Variants in HGF observed in about 807,000 individuals in gnomAD.
HGF encodes fibroblast-derived tumor cytotoxic factor.
In HGF, 39 loss-of-function variants were observed where a neutral mutation model predicts 111.6. The observed-to-expected ratio is 0.35, with a 90% CI of 0.27 to 0.46. HGF has a LOEUF of 0.46. Ranked by LOEUF, HGF falls within the 20% of genes least tolerant of loss-of-function variation. The pLI is 1.00. For missense variants in HGF, 735 were observed against 910.5 expected (o/e 0.81, Z 2.48); for synonymous variants, 285 against 294.8 (o/e 0.97, Z 0.34).
intron 1 of HGF, among the ~76,000 whole-genome samples, chr7:81,763,200 G>A (rs1274667739): frequency 2.0e-5 from 3 of 152,162 alleles, no homozygotes; most frequent in Non-Finnish European, 4.4e-5. Context: ...AAATATCAGT[G>A]CTAGAAGCAT....
chr7:81,756,874 C>G, intron 4 of HGF: 1 of 402,650 alleles, frequency 2.5e-6, no homozygotes, highest in Middle Eastern at 7.6e-4. Context: ...ACCTCTCCCC[C>G]TGCACAGTGC....
chr7:81,714,560 C>T (rs1789660445), intron 11 of HGF, among the ~76,000 whole-genome samples: 1 of 152,088 alleles, frequency 6.6e-6, no homozygotes, highest in Admixed American at 6.6e-5. Flanking sequence ...TTCTTAACCA[C>T]TACGCTCTTG....
Position 81,755,606 on chromosome 7 carries a change from C to G in HGF, c.482+1583G>C, listed in dbSNP as rs182655839. 2.6e-3 allele frequency: 443 copies of G among 167,296 alleles called. 1 individual carries two copies. The highest frequency in any genetic ancestry group is 6.8e-3 in the Admixed American group (108 of 15,956). 10.4% of individuals were successfully genotyped at this position (167,296 alleles called of 1,614,324 possible). A position where few individuals can be genotyped will look rare whatever the true frequency, so the allele number is the denominator to read the frequency against. On this transcript the variant is annotated intron_variant, in intron 4 of 17. Transcript: ENST00000222390. ...CTCTACTAGGTTAATCTAATGCATTCTCCTGGACTAGGGTAGGATTGATTT... is the reference window on the plus strand; with the variant it reads ...CTCTACTAGGTTAATCTAATGCATTGTCCTGGACTAGGGTAGGATTGATTT...
chr7:81,713,243 C>G (rs952745527), intron 11 of HGF, among the ~76,000 whole-genome samples: 6 of 152,024 alleles, frequency 3.9e-5, no homozygotes, highest in African/African-American at 1.5e-4. Context: ...GTAGATATGG[C>G]CTTGCGTGGT....
intron 5 of HGF, among the ~76,000 whole-genome samples, chr7:81,747,850 T>A (rs1788335190): frequency 6.6e-6 from 1 of 151,828 alleles, no homozygotes; most frequent in Non-Finnish European, 1.5e-5. Flanking sequence ...GGAGAATTGC[T>A]TGAACCCAGG....
chr7:81,761,788 T>TGTGGA (rs1339055587), intron 2 of HGF, among the ~76,000 whole-genome samples: 6 of 36,438 alleles, frequency 1.6e-4, no homozygotes, highest in Non-Finnish European at 3.1e-4. Flanking sequence ...TTTCCAAGGG[T>TGTGGA]GTGGAGTGGG....
In HGF at chr7:81,702,621, A is replaced by G; in HGVS notation, c.2147T>C (p.Ile716Thr). 1 of 1,611,424 alleles carries G rather than the reference A, an allele frequency of 6.2e-7. No homozygotes were observed. Among genetic ancestry groups the G allele is most frequent in the Non-Finnish European group, 8.5e-7 (1 of 1,178,158 alleles). The change falls in exon 18 of 18, where the codon ATA (isoleucine) becomes ACA (threonine). Residue 716 changes from isoleucine to threonine, a missense_variant. By Grantham distance (89) the Ile-to-Thr change is moderately conservative. Coordinates refer to ENST00000222390, the MANE Select transcript of HGF (RefSeq NM_000601.6). ...FVRVAYYAKW[I>T]HKIILTYKVP... ...CTTATATGTTAAAATAATTTTGTGT[A>G]TCCATTTTGCATAATATGCTACTCG...
chr7:81,755,929 A>C (rs956280096), intron 4 of HGF: 1 of 684,760 alleles, frequency 1.5e-6, no homozygotes, highest in Non-Finnish European at 2.7e-6. Flanking sequence ...CCCAGTGTGG[A>C]GCAACAAACT....
At chr7:81,761,128 A>G (rs1014824060) in intron 2 of HGF, among the ~76,000 whole-genome samples, 3 of 152,138 alleles carry the variant, frequency 2.0e-5, no homozygotes, top group Admixed American at 1.3e-4. Flanking sequence ...ATACAACTCT[A>G]TCCTCCTCAA....
intron 9 of HGF, among the ~76,000 whole-genome samples, chr7:81,725,217 CTGAAAGGCTGATGCAA>C (rs1162579130): frequency 6.6e-6 from 1 of 152,166 alleles, no homozygotes; most frequent in Non-Finnish European, 1.5e-5. Flanking sequence ...CAAACAATTC[CTGAAAGGCTGATGCAA>C]TTTTAGCCCA....
At chr7:81,741,297 A>G (rs1787991791) in intron 7 of HGF, among the ~76,000 whole-genome samples, 1 of 152,134 alleles carries the variant, frequency 6.6e-6, no homozygotes, top group Non-Finnish European at 1.5e-5. Context: ...TTTTTTTAGA[A>G]TTAACACCCT....
intron 14 of HGF, 100 bp from the exon 15 acceptor site, chr7:81,706,527 C>A: frequency 1.0e-6 from 1 of 961,012 alleles, no homozygotes; most frequent in South Asian, 1.4e-5. Flanking sequence ...AGGCACATAA[C>A]CTAAATTTAA....
intron 10 of HGF, among the ~76,000 whole-genome samples, chr7:81,717,579 T>C (rs1789747039): frequency 6.6e-6 from 1 of 152,138 alleles, no homozygotes; most frequent in African/African-American, 2.4e-5. Context: ...CTTGGAAATA[T>C]GGAAGAGGGC....
chr7:81,752,305 C>CT (rs767807298), intron 4 of HGF, 43 bp from the exon 5 acceptor site: 238 of 1,567,250 alleles, frequency 1.5e-4, no homozygotes, highest in South Asian at 4.9e-4. Context: ...GAGCATGCAA[C>CT]TTTTTTTTGC....
intron 7 of HGF, among the ~76,000 whole-genome samples, chr7:81,732,996 C>A (rs1336720785): frequency 6.6e-6 from 1 of 152,080 alleles, no homozygotes; most frequent in Non-Finnish European, 1.5e-5. Flanking sequence ...AGGTTTCCAA[C>A]AAGATTTAAT....
intron 5 of HGF, among the ~76,000 whole-genome samples, chr7:81,750,028 C>G (rs1322143758): frequency 6.6e-6 from 1 of 151,944 alleles, no homozygotes; most frequent in Non-Finnish European, 1.5e-5. Flanking sequence ...TAATTTGTAT[C>G]CATGGATAGA....
chr7:81,705,058 A>G (rs942022925), intron 17 of HGF, among the ~76,000 whole-genome samples: 1 of 151,882 alleles, frequency 6.6e-6, no homozygotes, highest in African/African-American at 2.4e-5. Context: ...GATAAAATAA[A>G]TTTAGAAAAA....
intron 9 of HGF, among the ~76,000 whole-genome samples, chr7:81,721,171 C>T (rs1177973679): frequency 3.9e-5 from 6 of 152,096 alleles, no homozygotes; most frequent in South Asian, 4.2e-4. Context: ...GGCGTGAACC[C>T]GGGAGGCGGA....
rs950679787 is a variant in HGF at position 81,728,745 on chromosome 7, G to A, written c.1040+860C>T. Among the ~76,000 whole-genome samples, 9 of 152,246 alleles carry A rather than the reference G, an allele frequency of 5.9e-5. No homozygotes were observed. In the South Asian group the frequency reaches 6.2e-4, roughly 11 times the overall value. The stretch of plus-strand genomic sequence containing the variant: ...ACACAAATCTCCCCTCTCCTATGGC[G>A]GATGGGCCAACTAGTGCTCATAGCT... On this transcript the variant is annotated intron_variant, in intron 8 of 17. Transcript: ENST00000222390.
Sources: allele counts gnomAD v4.1 joint callset (sites outside exome capture counted in the v4.1 genomes callset), GRCh38; gene constraint gnomAD v4.1.1; transcripts MANE v1.5; gene names NCBI Gene and HGNC (gene_info 2026-07-23, HGNC 2026-07-21).